Variants in PCDH15 observed in about 807,000 individuals in gnomAD.
PCDH15 encodes protocadherin-15.
Under a neutral mutation model 178.5 loss-of-function variants are expected in PCDH15, and 129 were observed. The ratio of observed to expected loss-of-function variants is 0.72; its 90% CI spans 0.63 to 0.84. PCDH15 has a LOEUF of 0.84. Among genes scored for constraint, PCDH15 ranks in the 40% least tolerant of loss-of-function variants. PCDH15 has a pLI of 0.00. For missense variants in PCDH15, 2,230 were observed against 2,099.9 expected (o/e 1.06, Z -1.21); for synonymous variants, 800 against 732.0 (o/e 1.09, Z -1.50).
intron 3 of PCDH15, among the ~76,000 whole-genome samples, chr10:54,483,749 C>T (rs1168547643): frequency 1.3e-5 from 2 of 151,548 alleles, no homozygotes; most frequent in African/African-American, 4.8e-5. Flanking sequence ...CCTTTTAGTT[C>T]CAAAAATGTA....
chr10:54,177,019 G>C (rs2047508907), intron 13 of PCDH15, among the ~76,000 whole-genome samples: 1 of 151,526 alleles, frequency 6.6e-6, no homozygotes, highest in Admixed American at 6.6e-5. Context: ...AAACTTGAAA[G>C]CAACCAAAAT....
chr10:55,462,306 C>G (rs772339055), intron 2 of PCDH15, among the ~76,000 whole-genome samples: 8 of 152,046 alleles, frequency 5.3e-5, no homozygotes, highest in Non-Finnish European at 1.2e-4. Context: ...ACTTAATATC[C>G]TTTTGGTCAA....
intron 1 of PCDH15, among the ~76,000 whole-genome samples, chr10:54,778,036 T>C (rs1438044424): frequency 6.6e-6 from 1 of 152,320 alleles, no homozygotes; most frequent in East Asian, 1.9e-4. Flanking sequence ...AATCAGAAGA[T>C]ACTGGCCAAG....
chr10:55,031,658 G>A (rs1211428145), intron 2 of PCDH15, among the ~76,000 whole-genome samples: 7 of 152,138 alleles, frequency 4.6e-5, no homozygotes, highest in African/African-American at 1.4e-4. Context: ...TTTTTTAGAG[G>A]TGATTGGGCC....
chr10:55,176,780 C>A (rs1839501860), intron 1 of PCDH15, among the ~76,000 whole-genome samples: 1 of 152,136 alleles, frequency 6.6e-6, no homozygotes, highest in East Asian at 1.9e-4. Context: ...CTAAAGGATG[C>A]TTTTTTCCTG....
chr10:53,928,206 T>C (rs1017633810), intron 25 of PCDH15, among the ~76,000 whole-genome samples: 1 of 152,080 alleles, frequency 6.6e-6, no homozygotes, highest in African/African-American at 2.4e-5. Flanking sequence ...CCATATTTCT[T>C]TTTATTATGT....
chr10:54,419,805 T>C (rs777128341), intron 3 of PCDH15, among the ~76,000 whole-genome samples: 17 of 152,042 alleles, frequency 1.1e-4, no homozygotes, highest in Non-Finnish European at 2.1e-4. Flanking sequence ...TAAAATATAC[T>C]AAAAGCAGAT....
chr10:53,870,144 T>C (rs777540607), intron 26 of PCDH15, among the ~76,000 whole-genome samples: 1 of 152,208 alleles, frequency 6.6e-6, no homozygotes, highest in Non-Finnish European at 1.5e-5. Flanking sequence ...TAATTTCACT[T>C]TGCAATATTC....
At chr10:54,952,834 A>C (rs1838381099) in intron 2 of PCDH15, among the ~76,000 whole-genome samples, 1 of 151,612 alleles carries the variant, frequency 6.6e-6, no homozygotes, top group South Asian at 2.1e-4. Context: ...AACTTTTTAA[A>C]ATTAACTGTT....
Position 53,823,111 on chromosome 10 carries a change from T to C in PCDH15, c.4368-2881A>G, listed in dbSNP as rs1280458916. On this transcript the variant is annotated intron_variant, in intron 32 of 37. Transcript: ENST00000644397. ...TCTGTTCTCTGTGAAATGTCTGAAT[T>C]TGTTGATACTTGACTTATGTTTTCC... 1.9e-6 allele frequency: 3 copies of C among 1,614,016 alleles called. No homozygotes were observed. In the South Asian group the frequency reaches 3.3e-5, roughly 18 times the overall value.
intron 15 of PCDH15, among the ~76,000 whole-genome samples, chr10:54,101,113 C>T (rs1347511689): frequency 6.6e-6 from 1 of 152,056 alleles, no homozygotes; most frequent in Non-Finnish European, 1.5e-5. Context: ...CATGGCTATT[C>T]TTGTGATAGC....
chr10:55,379,520 C>T (rs1415172299), intron 2 of PCDH15, among the ~76,000 whole-genome samples: 1 of 151,766 alleles, frequency 6.6e-6, no homozygotes, highest in Non-Finnish European at 1.5e-5. Flanking sequence ...TCACGAATAT[C>T]AATATATCTA....
intron 1 of PCDH15, among the ~76,000 whole-genome samples, chr10:54,751,480 CAA>C (rs1461466497): frequency 1.3e-5 from 2 of 152,112 alleles, no homozygotes; most frequent in Non-Finnish European, 2.9e-5. Context: ...TTCAAATACT[CAA>C]GAGTAATCTA....
chr10:55,169,001 C>T (rs1839265358), intron 1 of PCDH15, among the ~76,000 whole-genome samples: 1 of 151,934 alleles, frequency 6.6e-6, no homozygotes, highest in African/African-American at 2.4e-5. Flanking sequence ...AGAGTGAGTA[C>T]CAACTCTCTG....
intron 26 of PCDH15, among the ~76,000 whole-genome samples, chr10:53,870,844 C>T (rs1338127588): frequency 2.0e-5 from 3 of 152,144 alleles, no homozygotes; most frequent in African/African-American, 7.2e-5. Flanking sequence ...CACTGAGTCA[C>T]ACCAGAGATA....
intron 21 of PCDH15, among the ~76,000 whole-genome samples, chr10:53,987,622 G>A (rs1249483626): frequency 6.6e-6 from 1 of 152,114 alleles, no homozygotes; most frequent in Non-Finnish European, 1.5e-5. Context: ...ATAAATAAAT[G>A]TCATGTCCCC....
At chr10:55,366,922 CGTGTGT>C (rs34339947) in intron 2 of PCDH15, among the ~76,000 whole-genome samples, 8,641 of 150,166 alleles carry the variant, frequency 0.058, 547 homozygotes, top group African/African-American at 0.16. Flanking sequence ...CATTTGTTTG[CGTGTGT>C]GTGTGTGTGT....
In PCDH15 at chr10:55,382,015, A is replaced by G. The variant is rs1837544459; in HGVS notation, c.-155-215364T>C. Among the ~76,000 whole-genome samples the G allele has an allele frequency of 3.3e-5, 5 of 152,196 alleles. No homozygotes were observed. The South Asian group carries it at 8.3e-4, about 25-fold the overall frequency. ...CTAAAAGAAATTTGTTTGAATCTCT[A>G]TATCCAGCTACAGCTATAAGTCATC... On this transcript the variant is annotated intron_variant, in intron 2 of 5. Coordinates refer to the PCDH15 transcript ENST00000613346.
intron 2 of PCDH15, among the ~76,000 whole-genome samples, chr10:55,050,875 GATA>G (rs1357321609): frequency 6.6e-6 from 1 of 151,992 alleles, no homozygotes; most frequent in African/African-American, 2.4e-5. Flanking sequence ...AACTTACCAT[GATA>G]ATAATTAATA....
Sources: allele counts gnomAD v4.1 joint callset (sites outside exome capture counted in the v4.1 genomes callset), GRCh38; gene constraint gnomAD v4.1.1; transcripts MANE v1.5; gene names NCBI Gene and HGNC (gene_info 2026-07-23, HGNC 2026-07-21).